SGPP2: variants seen among roughly 807,000 people sequenced by gnomAD.
SGPP2 encodes sphingosine 1-phosphate phosphohydrolase 2.
A neutral mutation model predicts 33.9 loss-of-function variants in SGPP2; 30 were observed. The ratio of observed to expected loss-of-function variants is 0.89; its 90% CI spans 0.66 to 1.20. The LOEUF is 1.20. SGPP2 is among the 50% of genes most tolerant of loss of function. The pLI is 0.00. For missense variants in SGPP2, 458 were observed against 532.1 expected (o/e 0.86, Z 1.37); for synonymous variants, 233 against 225.0 (o/e 1.04, Z -0.32).
chr2:222,554,648 G>A (rs960936669), intron 4 of SGPP2, among the ~76,000 whole-genome samples: 3 of 152,058 alleles, frequency 2.0e-5, no homozygotes, highest in Admixed American at 1.3e-4. Context: ...TTAACAGAAC[G>A]TTAAACCTCC....
At chr2:222,527,113 T>C (rs1243336879) in intron 4 of SGPP2, among the ~76,000 whole-genome samples, 6 of 152,166 alleles carry the variant, frequency 3.9e-5, no homozygotes, top group Non-Finnish European at 7.3e-5. Flanking sequence ...CAGCTACAGC[T>C]TTTTCTTTTT....
At chr2:222,531,686 A>G (rs549121742) in intron 4 of SGPP2, among the ~76,000 whole-genome samples, 1 of 152,144 alleles carries the variant, frequency 6.6e-6, no homozygotes, top group Admixed American at 6.5e-5. Context: ...ATTTTATGTT[A>G]TGTGTGTGTG....
chr2:222,487,957 C>T (rs988966510), intron 2 of SGPP2, among the ~76,000 whole-genome samples: 9 of 152,154 alleles, frequency 5.9e-5, no homozygotes, highest in Non-Finnish European at 1.5e-5. Context: ...AGGAGTGGGG[C>T]TCAGATGTTT....
At chr2:222,444,857 C>T (rs922653778) in intron 1 of SGPP2, among the ~76,000 whole-genome samples, 18 of 151,882 alleles carry the variant, frequency 1.2e-4, no homozygotes, top group African/African-American at 3.6e-4. Context: ...TTAGAGTATA[C>T]GAAGTATGGA....
intron 1 of SGPP2, among the ~76,000 whole-genome samples, chr2:222,441,203 TG>T (rs1697320647): frequency 6.6e-6 from 1 of 152,224 alleles, no homozygotes; most frequent in African/African-American, 2.4e-5. Context: ...CATGGTTCAG[TG>T]GCTTCTTTCC....
intron 4 of SGPP2, among the ~76,000 whole-genome samples, chr2:222,553,272 G>A (rs1437791456): frequency 6.6e-6 from 1 of 152,194 alleles, no homozygotes; most frequent in East Asian, 1.9e-4. Context: ...GCACCAATAA[G>A]ATCTTGATGG....
At chr2:222,458,255 G>A (rs904596960) in intron 1 of SGPP2, among the ~76,000 whole-genome samples, 3 of 151,134 alleles carry the variant, frequency 2.0e-5, no homozygotes, top group African/African-American at 7.3e-5. Flanking sequence ...GAGAGTCACT[G>A]CGTTGGCCAG....
Position 222,559,792 on chromosome 2 carries a change from G to A in SGPP2, c.*894G>A, listed in dbSNP as rs1574898591. On this transcript the variant is annotated 3_prime_UTR_variant, in exon 5 of 5. Transcript: ENST00000321276. Reference sequence around the variant, plus strand: ...TGATCAAATTAGACTGTGCCTGGTTGGGTGGTAAGATCACTCTGAAAGAAA... The same window carrying A: ...TGATCAAATTAGACTGTGCCTGGTTAGGTGGTAAGATCACTCTGAAAGAAA... 1.3e-5 allele frequency: 2 copies of A among 152,364 alleles called. No individual in the cohort carries two copies. The highest frequency in any genetic ancestry group is 4.8e-5 in the African/African-American group (2 of 41,458). The allele number at this position is 152,364 out of a possible 1,614,324, so 9.4% of individuals were successfully genotyped here.
chr2:222,442,431 C>T (rs1217389697), intron 1 of SGPP2, among the ~76,000 whole-genome samples: 2 of 152,136 alleles, frequency 1.3e-5, no homozygotes, highest in African/African-American at 4.8e-5. Context: ...AAAATATTAT[C>T]TGACAGACTT....
chr2:222,467,982 A>C (rs1484664488), intron 1 of SGPP2, among the ~76,000 whole-genome samples: 2 of 136,978 alleles, frequency 1.5e-5, no homozygotes, highest in Admixed American at 7.1e-5. Context: ...AAAAAAAAAA[A>C]AAAAAACAGA....
intron 2 of SGPP2, chr2:222,504,808 T>G (rs1698420166): frequency 6.6e-6 from 1 of 152,272 alleles, no homozygotes; most frequent in Admixed American, 6.5e-5. Flanking sequence ...GCACCCAATA[T>G]AGACAAGCCC....
intron 4 of SGPP2, among the ~76,000 whole-genome samples, chr2:222,534,507 A>C (rs1204331859): frequency 1.3e-5 from 2 of 152,108 alleles, no homozygotes; most frequent in Admixed American, 6.6e-5. Context: ...GAGAATGTTG[A>C]AAAGGTTTCT....
intron 4 of SGPP2, among the ~76,000 whole-genome samples, chr2:222,532,942 C>T (rs922147227): frequency 1.3e-5 from 2 of 152,152 alleles, no homozygotes; most frequent in African/African-American, 4.8e-5. Flanking sequence ...TACCTCTGGG[C>T]TCACCATTCA....
chr2:222,537,979 G>A (rs986464435), intron 4 of SGPP2, among the ~76,000 whole-genome samples: 3 of 152,176 alleles, frequency 2.0e-5, no homozygotes, highest in African/African-American at 7.2e-5. Flanking sequence ...TCCATTCAAT[G>A]GTTACTACTC....
intron 1 of SGPP2, among the ~76,000 whole-genome samples, chr2:222,435,128 G>A (rs746428018): frequency 1.3e-4 from 20 of 149,834 alleles, no homozygotes; most frequent in African/African-American, 4.5e-4. Flanking sequence ...ACACAATCAC[G>A]AGGTCCCACA....
chr2:222,562,266 A>C lies in SGPP2; in HGVS notation c.*3368A>C, dbSNP rs574193341. On this transcript the variant is annotated 3_prime_UTR_variant, in exon 5 of 5. Coordinates refer to ENST00000321276, the MANE Select transcript of SGPP2 (RefSeq NM_152386.4). ...TGTGGGCCAAGCCATCCATCTTGCAATCTTCATCTAAAACAGCTCTCATTT... is the reference window on the plus strand; with the variant it reads ...TGTGGGCCAAGCCATCCATCTTGCACTCTTCATCTAAAACAGCTCTCATTT... Among the ~76,000 whole-genome samples the C allele has an allele frequency of 6.6e-6, 1 of 152,172 alleles. No homozygotes were observed. Among genetic ancestry groups the C allele is most frequent in the Admixed American group, 6.5e-5 (1 of 15,274 alleles).
intron 2 of SGPP2, among the ~76,000 whole-genome samples, chr2:222,496,831 C>T (rs1212244378): frequency 2.6e-5 from 4 of 152,138 alleles, no homozygotes; most frequent in African/African-American, 7.2e-5. Context: ...GTCTGCATTC[C>T]CTCCCAGTTG....
intron 4 of SGPP2, among the ~76,000 whole-genome samples, chr2:222,551,148 TATCAACC>T (rs1209313696): frequency 6.6e-6 from 1 of 152,124 alleles, no homozygotes; most frequent in East Asian, 1.9e-4. Flanking sequence ...TTATGTTCCC[TATCAACC>T]ATCTGCACTC....
At chr2:222,539,830 AG>A (rs1385781881) in intron 4 of SGPP2, among the ~76,000 whole-genome samples, 2 of 152,320 alleles carry the variant, frequency 1.3e-5, no homozygotes, top group Non-Finnish European at 1.5e-5. Context: ...GATACCTAAC[AG>A]GGTGCCAGTT....
Sources: gnomAD v4.1 joint callset for allele counts (sites outside exome capture counted in the v4.1 genomes callset) on GRCh38, gnomAD v4.1.1 for gene constraint, MANE v1.5 for transcripts, NCBI Gene and HGNC (gene_info 2026-07-23, HGNC 2026-07-21) for gene names.